ABCC6: variants seen among roughly 807,000 people sequenced by gnomAD.
The protein encoded by ABCC6 is ATP binding cassette subfamily C member 6.
In ABCC6, 126 loss-of-function variants were observed where a neutral mutation model predicts 169.5. The observed-to-expected ratio is 0.74, with a 90% CI of 0.64 to 0.86. The LOEUF is 0.86. Ranked by LOEUF, ABCC6 falls within the 40% of genes least tolerant of loss-of-function variation. ABCC6 has a pLI of 0.00. For missense variants in ABCC6, 1,733 were observed against 1,927.2 expected, an observed-to-expected ratio of 0.90 and a Z score of 1.89; for synonymous variants, 752 against 814.7, an observed-to-expected ratio of 0.92 and a Z score of 1.31.
At chr16:16,154,018 C>T (rs1297729730) in intron 29 of ABCC6, among the ~76,000 whole-genome samples, 4 of 151,854 alleles carry the variant, frequency 2.6e-5, no homozygotes, top group African/African-American at 2.4e-5. Context: ...GGTGCAATAT[C>T]GGCTCACTGC....
chr16:16,169,794 G>A lies in ABCC6; in HGVS notation c.2847C>T (p.Tyr949=), dbSNP rs553008971. 40 of 1,579,054 alleles carry A rather than the reference G, an allele frequency of 2.5e-5. No individual in the cohort carries two copies. Among genetic ancestry groups the A allele is most frequent in the African/African-American group, 1.1e-4 (8 of 74,258 alleles). Residue 949 remains tyrosine, a synonymous_variant, in exon 22 of 31, where the codon TAC becomes TAT. Transcript: ENST00000205557. ...GCTGGCAGAGGAAGAGGAAGAGTGC[G>A]TAGAGGCAGAGGGGGGTGCCCACGG... ...LRAVGTPLCL[Y]ALFLFLCQQV... is the part of the protein sequence containing the mutation.
In ABCC6 at chr16:16,161,467, CGAG is replaced by C; in HGVS notation, c.3601_3603del (p.Leu1201del). On this transcript the variant is annotated inframe_deletion, in exon 25 of 31. Coordinates refer to ENST00000205557, the MANE Select transcript of ABCC6 (RefSeq NM_001171.6). ...AGGGCAGCAGAGACAGAGAAGCCCA[CGAG>C]GCCAGCACTGAGGTGGGCTTTGCTC... is the stretch of plus-strand genomic sequence containing the variant. 1.2e-6 allele frequency: 2 copies of C among 1,613,928 alleles called. No homozygotes were observed. Among genetic ancestry groups the C allele is most frequent in the Non-Finnish European group, 1.7e-6 (2 of 1,180,030 alleles).
intron 21 of ABCC6, among the ~76,000 whole-genome samples, chr16:16,171,242 A>G (rs762934167): frequency 6.6e-6 from 1 of 151,876 alleles, no homozygotes; most frequent in Non-Finnish European, 1.5e-5. Context: ...TTTAAGAGGC[A>G]GGGTCTCACT....
chr16:16,152,227 T>C (rs933355158), intron 29 of ABCC6, among the ~76,000 whole-genome samples: 2 of 133,488 alleles, frequency 1.5e-5, no homozygotes, highest in Non-Finnish European at 1.6e-5. Flanking sequence ...TGTGTAGGCT[T>C]GTCACAGAAT....
At chr16:16,154,523 G>A in intron 29 of ABCC6, 105 bp downstream of exon 29, 1 of 1,397,372 alleles carries the variant, frequency 7.2e-7, no homozygotes, top group Non-Finnish European at 1.0e-6. Context: ...ATGTAACAGA[G>A]TGATAATCCT....
At chr16:16,186,024 C>T (rs1341795272) in intron 14 of ABCC6, among the ~76,000 whole-genome samples, 1 of 152,170 alleles carries the variant, frequency 6.6e-6, no homozygotes, top group Non-Finnish European at 1.5e-5. Flanking sequence ...AGATGATCTA[C>T]TTGTCAGGAT....
Position 16,165,690 on chromosome 16 carries a change from A to T in ABCC6, c.3239T>A (p.Val1080Glu). 1 of 1,613,114 alleles carries T rather than the reference A, an allele frequency of 6.2e-7. No homozygotes were observed. Among genetic ancestry groups the T allele is most frequent in the Non-Finnish European group, 8.5e-7 (1 of 1,179,996 alleles). Reference protein sequence around the residue: ...AFGLLEVSLVVAVATPLATVA... With the variant: ...AFGLLEVSLVEAVATPLATVA... ...AGTGGCCAGTGGGGTAGCCACTGCC[A>T]CCACCAGGCTGACCTCCAGGAGTCC... is the stretch of plus-strand genomic sequence containing the variant. Residue 1080 changes from valine to glutamate, a missense_variant, in exon 23 of 31, where the codon GTG (valine) becomes GAG (glutamate). Val to Glu is a moderately radical substitution (Grantham distance 121). Transcript: ENST00000205557.
intron 15 of ABCC6, among the ~76,000 whole-genome samples, chr16:16,183,739 A>T (rs892184762): frequency 2.0e-5 from 3 of 152,114 alleles, no homozygotes; most frequent in Non-Finnish European, 4.4e-5. Flanking sequence ...TGCTGCTGGC[A>T]TCTAGTGGGT....
At chr16:16,204,748 T>A (rs2048339980) in intron 7 of ABCC6, among the ~76,000 whole-genome samples, 1 of 152,084 alleles carries the variant, frequency 6.6e-6, no homozygotes, top group African/African-American at 2.4e-5. Context: ...TCTCTCTGTG[T>A]GTGAGAGGAT....
rs1246990863 is a variant in ABCC6 at position 16,190,305 on chromosome 16, C to T, written c.1494G>A (p.Ser498=). The T allele has an allele frequency of 1.4e-5, 22 of 1,614,032 alleles. No individual in the cohort carries two copies. Among genetic ancestry groups the T allele is most frequent in the Admixed American group, 1.7e-5 (1 of 59,978 alleles). Residue 498 remains serine (S), a synonymous_variant, in exon 12 of 31, where the codon TCG becomes TCA. Transcript: ENST00000205557. The stretch of plus-strand genomic sequence containing the variant: ...CCCAGCCATGGAACTTGATGGTCTT[C>T]GAGTTCCTGAGGATAGAGCTGGTGA... The part of the protein sequence containing the change: ...ARLTSSILRN[S]KTIKFHGWEG...
At chr16:16,192,372 T>C (rs2047890842) in intron 11 of ABCC6, among the ~76,000 whole-genome samples, 1 of 152,044 alleles carries the variant, frequency 6.6e-6, no homozygotes, top group Admixed American at 6.6e-5. Flanking sequence ...GCTGTGGGTC[T>C]GAGTAGAGGA....
chr16:16,152,215 A>AAAAAAAAAT (rs2046406534), intron 29 of ABCC6, among the ~76,000 whole-genome samples: 7 of 146,816 alleles, frequency 4.8e-5, no homozygotes, highest in South Asian at 2.2e-4. Context: ...AAAAAAAAAA[A>AAAAAAAAAT]GTGTGTAGGC....
intron 29 of ABCC6, among the ~76,000 whole-genome samples, chr16:16,154,121 G>A (rs1411628547): frequency 6.6e-6 from 1 of 151,724 alleles, no homozygotes; most frequent in Admixed American, 6.6e-5. Flanking sequence ...GGCTAATACT[G>A]TTGTCCACAG....
chr16:16,199,531 T>C lies in ABCC6; in HGVS notation c.1177-1349A>G, dbSNP rs545619013. On this transcript the variant is annotated intron_variant, in intron 9 of 30. Coordinates refer to ENST00000205557, the MANE Select transcript of ABCC6 (RefSeq NM_001171.6). ...CTTAACCCTGGGGTCACAGTGGACC[T>C]CTTCCAGCCTGTTGAATGCTAAATT... Among the ~76,000 whole-genome samples, 69 of 127,312 alleles carry C rather than the reference T, an allele frequency of 5.4e-4. 14 individuals are homozygous for C. The highest frequency in any genetic ancestry group is 4.0e-3 in the South Asian group (17 of 4,206). The allele number at this position is 127,312 out of a possible 152,430, so 83.5% of individuals were successfully genotyped here. A position where few individuals can be genotyped will look rare whatever the true frequency, so the allele number is the denominator to read the frequency against.
chr16:16,212,670 G>T (rs1287197176), intron 5 of ABCC6, among the ~76,000 whole-genome samples: 1 of 151,826 alleles, frequency 6.6e-6, no homozygotes, highest in Non-Finnish European at 1.5e-5. Context: ...TGCCAGGGGT[G>T]TAGACCAGTG....
chr16:16,187,028 T>TC, intron 14 of ABCC6, 96 bp downstream of exon 14: 1 of 1,088,932 alleles, frequency 9.2e-7, no homozygotes. Context: ...AGCCCCCATC[T>TC]CCCCCCAGTA....
At position 16,151,426 on chromosome 16, in the gene ABCC6, T is replaced by C. The variant is rs369137483; in HGVS notation, c.4209-654A>G. On this transcript the variant is annotated intron_variant, in intron 29 of 30. Transcript: ENST00000205557. ...CCATAGTGACTGTACTAATTTATAT[T>C]TCCCCCAACAGCGAAAGCACAGCTT... Among the ~76,000 whole-genome samples the C allele has an allele frequency of 2.6e-5, 4 of 152,174 alleles. No homozygotes were observed. The East Asian group carries it at 5.8e-4, about 22-fold the overall frequency.
At chr16:16,162,680 TC>T (rs1263593937) in intron 24 of ABCC6, among the ~76,000 whole-genome samples, 1 of 152,188 alleles carries the variant, frequency 6.6e-6, no homozygotes, top group Non-Finnish European at 1.5e-5. Flanking sequence ...AAGCTTGTGT[TC>T]TTGTTCTTGC....
Position 16,169,604 on chromosome 16 carries a change from G to A in ABCC6, c.2995+42C>T, listed in dbSNP as rs745424158. The A allele has an allele frequency of 2.5e-6, 4 of 1,604,790 alleles. No individual in the cohort carries two copies. In the South Asian group the frequency reaches 4.4e-5, roughly 18 times the overall value. ...AAAGGAGTCCTGAGCACCCCTTGGTGCAGCTGGGAGGAGAGGGATGAGGAG... is the reference window on the plus strand; with the variant it reads ...AAAGGAGTCCTGAGCACCCCTTGGTACAGCTGGGAGGAGAGGGATGAGGAG... On this transcript the variant is annotated intron_variant, in intron 22 of 30. Coordinates refer to ENST00000205557, the MANE Select transcript of ABCC6 (RefSeq NM_001171.6).
Sources: allele counts gnomAD v4.1 joint callset (sites outside exome capture counted in the v4.1 genomes callset), GRCh38; gene constraint gnomAD v4.1.1; transcripts MANE v1.5; gene names NCBI Gene and HGNC (gene_info 2026-07-23, HGNC 2026-07-21).